Variants in SDC2 observed in about 807,000 individuals in gnomAD.
SDC2 encodes the protein syndecan 2, also known as syndecan-2.
In SDC2, 13 loss-of-function variants were observed where a neutral mutation model predicts 22.2. The observed-to-expected ratio is 0.59, with a 90% CI of 0.38 to 0.93. The LOEUF (loss-of-function observed/expected upper bound fraction) is 0.93. Among genes scored for constraint, SDC2 ranks in the 40% least tolerant of loss-of-function variants. SDC2 has a pLI of 0.00. For missense variants in SDC2, 235 were observed against 246.8 expected (o/e 0.95, Z 0.32); for synonymous variants, 94 against 92.8 (o/e 1.01, Z -0.07).
intron 1 of SDC2, among the ~76,000 whole-genome samples, chr8:96,572,832 G>T (rs1047568482): frequency 6.6e-6 from 1 of 152,184 alleles, no homozygotes; most frequent in African/African-American, 2.4e-5. Context: ...ATTCCTTATT[G>T]CAGTAGGTTT....
intron 1 of SDC2, among the ~76,000 whole-genome samples, chr8:96,567,647 C>T (rs547845444): frequency 2.3e-4 from 35 of 152,344 alleles, no homozygotes; most frequent in Admixed American, 2.0e-3. Flanking sequence ...TAGTGGCCCC[C>T]AGTTCCATCC....
chr8:96,527,640 GA>G (rs1236304426), intron 1 of SDC2, among the ~76,000 whole-genome samples: 1 of 152,130 alleles, frequency 6.6e-6, no homozygotes, highest in Non-Finnish European at 1.5e-5. Flanking sequence ...TAGACTTGTT[GA>G]GTCTTAAAAC....
intron 1 of SDC2, among the ~76,000 whole-genome samples, chr8:96,530,338 T>A (rs537497388): frequency 1.3e-5 from 2 of 152,204 alleles, no homozygotes; most frequent in Non-Finnish European, 2.9e-5. Flanking sequence ...CTTGTTAGTA[T>A]TAAAATGGTG....
chr8:96,604,012 T>C (rs984790726), intron 3 of SDC2, among the ~76,000 whole-genome samples: 1 of 152,104 alleles, frequency 6.6e-6, no homozygotes, highest in Non-Finnish European at 1.5e-5. Context: ...TGCCTCAGAG[T>C]GTGTGTGGCA....
At chr8:96,590,245 G>A (rs1586318250) in intron 1 of SDC2, among the ~76,000 whole-genome samples, 2 of 152,280 alleles carry the variant, frequency 1.3e-5, no homozygotes, top group East Asian at 3.9e-4. Context: ...CAACAGTATT[G>A]GCACTGCCTC....
At chr8:96,539,002 A>T (rs1415293390) in intron 1 of SDC2, among the ~76,000 whole-genome samples, 1 of 152,258 alleles carries the variant, frequency 6.6e-6, no homozygotes, top group Non-Finnish European at 1.5e-5. Context: ...GAATATCATT[A>T]GGGTGTATTC....
In SDC2 at chr8:96,608,328, A is replaced by G. The variant is rs748797636; in HGVS notation, c.307-7A>G. ...TCAATGTAATCTTTCCCTGTTTCCC[A>G]TACCAGTCACCTGAAGAAACTGATA... is the stretch of plus-strand genomic sequence containing the variant. On this transcript the variant is annotated splice_polypyrimidine_tract_variant and splice_region_variant and intron_variant, in intron 3 of 4. Coordinates refer to ENST00000302190, the MANE Select transcript of SDC2 (RefSeq NM_002998.4). The G allele has an allele frequency of 6.2e-6, 10 of 1,611,528 alleles. No homozygotes were observed. Among genetic ancestry groups the G allele is most frequent in the South Asian group, 1.1e-5 (1 of 90,384 alleles).
intron 1 of SDC2, among the ~76,000 whole-genome samples, chr8:96,562,749 CT>C (rs1814231095): frequency 6.6e-6 from 1 of 152,154 alleles, no homozygotes; most frequent in Non-Finnish European, 1.5e-5. Context: ...ATTAGCATTG[CT>C]TTCAAGCAGA....
At chr8:96,501,750 C>T (rs576024118) in intron 1 of SDC2, among the ~76,000 whole-genome samples, 3 of 152,244 alleles carry the variant, frequency 2.0e-5, no homozygotes, top group Admixed American at 1.3e-4. Flanking sequence ...TCAGTTTTCT[C>T]ATCTCTAAAA....
chr8:96,511,789 ATTTT>A (rs548532271), intron 1 of SDC2, among the ~76,000 whole-genome samples: 27 of 138,964 alleles, frequency 1.9e-4, no homozygotes, highest in East Asian at 1.3e-3. Flanking sequence ...GGCTTATGTG[ATTTT>A]TTTTTTTTTT....
intron 1 of SDC2, among the ~76,000 whole-genome samples, chr8:96,557,351 A>G (rs1455633940): frequency 7.7e-6 from 1 of 130,190 alleles, no homozygotes; most frequent in Non-Finnish European, 1.7e-5. Context: ...CATTATTCAC[A>G]ATAGCAAAGA....
chr8:96,541,191 G>A (rs892335070), intron 1 of SDC2, among the ~76,000 whole-genome samples: 3 of 152,116 alleles, frequency 2.0e-5, no homozygotes, highest in Non-Finnish European at 2.9e-5. Context: ...AGCACTTTGG[G>A]AGGCTGAGGC....
intron 1 of SDC2, among the ~76,000 whole-genome samples, chr8:96,582,552 AAC>A (rs1814606250): frequency 1.3e-5 from 2 of 152,210 alleles, no homozygotes; most frequent in South Asian, 4.1e-4. Context: ...CAGTATAAGG[AAC>A]CAACTGCAAG....
chr8:96,570,484 A>T (rs1323829409), intron 1 of SDC2, among the ~76,000 whole-genome samples: 1 of 152,218 alleles, frequency 6.6e-6, no homozygotes, highest in Non-Finnish European at 1.5e-5. Context: ...GGGAACTCAT[A>T]CTCTGCTAAG....
chr8:96,528,080 A>C (rs1813605704), intron 1 of SDC2, among the ~76,000 whole-genome samples: 1 of 152,160 alleles, frequency 6.6e-6, no homozygotes, highest in South Asian at 2.1e-4. Flanking sequence ...CTTAATTATA[A>C]GTCGTTGGGG....
intron 1 of SDC2, among the ~76,000 whole-genome samples, chr8:96,585,694 T>A (rs1286587617): frequency 6.6e-6 from 1 of 152,140 alleles, no homozygotes; most frequent in Non-Finnish European, 1.5e-5. Flanking sequence ...CTAGGTACTG[T>A]TCTGTAGAAT....
chr8:96,571,266 C>G (rs1037783748), intron 1 of SDC2, among the ~76,000 whole-genome samples: 1 of 152,038 alleles, frequency 6.6e-6, no homozygotes, highest in Non-Finnish European at 1.5e-5. Context: ...TGAGAGGGAA[C>G]TGACCACACA....
intron 1 of SDC2, among the ~76,000 whole-genome samples, chr8:96,584,174 G>A (rs989286161): frequency 6.6e-6 from 1 of 152,208 alleles, no homozygotes; most frequent in Non-Finnish European, 1.5e-5. Flanking sequence ...CTCAGTTCTA[G>A]CTCAGACCTC....
intron 1 of SDC2, among the ~76,000 whole-genome samples, chr8:96,576,382 TTG>T (rs376589223): frequency 0.016 from 1,449 of 93,160 alleles, 97 homozygotes; most frequent in Middle Eastern, 0.038. Context: ...TTGTTTTGTT[TTG>T]TTTTTTTTTA....
Sources: gnomAD v4.1 joint callset for allele counts (sites outside exome capture counted in the v4.1 genomes callset) on GRCh38, gnomAD v4.1.1 for gene constraint, MANE v1.5 for transcripts, NCBI Gene and HGNC (gene_info 2026-07-23, HGNC 2026-07-21) for gene names.